Variants in WASF3 observed in about 807,000 individuals in gnomAD.
WASF3 encodes actin-binding protein WASF3.
WASF3 carries 11 observed loss-of-function variants against 46.6 expected under a neutral mutation model. That is an observed-to-expected ratio of 0.24 (90% CI 0.15 to 0.39). WASF3 has a LOEUF of 0.39. WASF3 is among the 10% of genes least tolerant of loss of function. The pLI is 1.00. For missense variants in WASF3, 576 were observed against 669.8 expected (o/e 0.86, Z 1.55); for synonymous variants, 242 against 259.7 (o/e 0.93, Z 0.65).
chr13:26,674,762 A>G (rs1338702957), intron 6 of WASF3, among the ~76,000 whole-genome samples: 1 of 152,196 alleles, frequency 6.6e-6, no homozygotes, highest in Non-Finnish European at 1.5e-5. Context: ...CTTCAGGATA[A>G]ATTTCTAGAA....
chr13:26,659,546 C>T lies in WASF3; in HGVS notation c.134-5482C>T, dbSNP rs56292650. The stretch of plus-strand genomic sequence containing the variant: ...TTTGGACAAGATGACTGGGGCTGCT[C>T]GGTTGAGAGTGAACTGAGCAGGGGC... On this transcript the variant is annotated intron_variant, in intron 3 of 9. Coordinates refer to ENST00000335327, the MANE Select transcript of WASF3 (RefSeq NM_006646.6). Among the ~76,000 whole-genome samples, 1,364 of 152,150 alleles carry T rather than the reference C, an allele frequency of 9.0e-3. 11 individuals carry two copies. Among genetic ancestry groups the T allele is most frequent in the Middle Eastern group, 0.017 (5 of 294 alleles).
chr13:26,672,647 C>T (rs1025865627), intron 6 of WASF3, among the ~76,000 whole-genome samples: 7 of 152,126 alleles, frequency 4.6e-5, no homozygotes, highest in Middle Eastern at 3.2e-3. Flanking sequence ...GAATAATTCT[C>T]TAAGGGCAAG....
chr13:26,650,025 C>A (rs1882268587), intron 3 of WASF3, among the ~76,000 whole-genome samples: 1 of 152,168 alleles, frequency 6.6e-6, no homozygotes, highest in South Asian at 2.1e-4. Context: ...GCAGAGATCA[C>A]ACCACTGCAT....
chr13:26,653,674 T>TC (rs1882384541), intron 3 of WASF3, among the ~76,000 whole-genome samples: 1 of 152,170 alleles, frequency 6.6e-6, no homozygotes, highest in South Asian at 2.1e-4. Context: ...TCAGTGATCT[T>TC]CCCCACTTGG....
chr13:26,551,277 C>G, the WASF3 span, among the ~76,000 whole-genome samples: 1 of 152,138 alleles, frequency 6.6e-6, no homozygotes, highest in African/African-American at 2.4e-5. Context: ...ATTACTGAGT[C>G]TCAGGTAGTT....
At chr13:26,584,044 C>T (rs989775722) in intron 1 of WASF3, among the ~76,000 whole-genome samples, 1 of 152,214 alleles carries the variant, frequency 6.6e-6, no homozygotes, top group African/African-American at 2.4e-5. Context: ...GGTACCTCCC[C>T]CACCTCCCTG....
intron 1 of WASF3, among the ~76,000 whole-genome samples, chr13:26,599,908 G>GCA: frequency 6.6e-6 from 1 of 152,246 alleles, no homozygotes; most frequent in East Asian, 1.9e-4. Flanking sequence ...ATTTCCAAAA[G>GCA]GCATCATTTC....
At chr13:26,610,593 A>G (rs1434885381) in intron 1 of WASF3, among the ~76,000 whole-genome samples, 1 of 152,188 alleles carries the variant, frequency 6.6e-6, no homozygotes, top group Non-Finnish European at 1.5e-5. Flanking sequence ...CCTGGAAACT[A>G]GACGACAGGA....
chr13:26,539,945 G>C, the WASF3 span, among the ~76,000 whole-genome samples: 1 of 152,186 alleles, frequency 6.6e-6, no homozygotes, highest in Non-Finnish European at 1.5e-5. Flanking sequence ...ATGGGTAGGT[G>C]CCAGAAGGAA....
intron 2 of WASF3, chr13:26,641,415 G>C (rs1881993615): frequency 6.6e-6 from 1 of 152,170 alleles, no homozygotes; most frequent in South Asian, 2.1e-4. Flanking sequence ...AAATGCCAGA[G>C]GTTTGTCTAG....
intron 1 of WASF3, among the ~76,000 whole-genome samples, chr13:26,563,995 T>G (rs1400669951): frequency 6.6e-6 from 1 of 152,182 alleles, no homozygotes; most frequent in Non-Finnish European, 1.5e-5. Context: ...TTGAAATTGA[T>G]CTAAAGATAT....
intron 1 of WASF3, among the ~76,000 whole-genome samples, chr13:26,586,449 A>G (rs61344012): frequency 0.018 from 2,724 of 152,252 alleles, 88 homozygotes; most frequent in African/African-American, 0.062. Flanking sequence ...GTTCCTATAT[A>G]TACTGCCAGT....
At chr13:26,597,973 A>G (rs1282133647) in intron 1 of WASF3, among the ~76,000 whole-genome samples, 1 of 152,232 alleles carries the variant, frequency 6.6e-6, no homozygotes, top group South Asian at 2.1e-4. Flanking sequence ...TCCTTTGGGT[A>G]TATACCCAGT....
upstream of WASF3, among the ~76,000 whole-genome samples, chr13:26,556,353 A>G (rs1338738836): frequency 6.6e-6 from 1 of 152,244 alleles, no homozygotes; most frequent in Non-Finnish European, 1.5e-5. Context: ...TCCCCTGGGT[A>G]AGTGAAGATG....
intron 7 of WASF3, among the ~76,000 whole-genome samples, chr13:26,678,963 C>CAT (rs1417844567): frequency 2.7e-5 from 4 of 150,816 alleles, no homozygotes; most frequent in African/African-American, 9.8e-5. Context: ...CCTCCTCCTC[C>CAT]CATGTCAGCG....
In WASF3 at chr13:26,663,373, T is replaced by C. The variant is rs117582012; in HGVS notation, c.134-1655T>C. Among the ~76,000 whole-genome samples, 658 of 152,358 alleles carry C rather than the reference T, an allele frequency of 4.3e-3. 2 individuals carry two copies. Among genetic ancestry groups the C allele is most frequent in the Non-Finnish European group, 7.7e-3 (521 of 68,032 alleles). On this transcript the variant is annotated intron_variant, in intron 3 of 9. Transcript: ENST00000335327. ...GAGCATTAATTCTGGATGCTGCAGCTAGTTATAGTATTTTAAAATGTATAT... is the reference window on the plus strand; with the variant it reads ...GAGCATTAATTCTGGATGCTGCAGCCAGTTATAGTATTTTAAAATGTATAT...
At chr13:26,642,086 T>A (rs1231664220) in intron 2 of WASF3, 175 bp from the exon 3 acceptor site, 1 of 527,702 alleles carries the variant, frequency 1.9e-6, no homozygotes, top group Non-Finnish European at 3.2e-6. Flanking sequence ...ACCTTCAGGC[T>A]CTATAAAACT....
At chr13:26,646,652 T>C (rs1310213248) in intron 3 of WASF3, among the ~76,000 whole-genome samples, 1 of 152,190 alleles carries the variant, frequency 6.6e-6, no homozygotes, top group Non-Finnish European at 1.5e-5. Context: ...GGACTAGACT[T>C]TCTCTACATA....
intron 3 of WASF3, among the ~76,000 whole-genome samples, chr13:26,658,522 T>C (rs777834917): frequency 3.9e-5 from 6 of 152,244 alleles, no homozygotes; most frequent in Non-Finnish European, 8.8e-5. Context: ...CATTAGCTTA[T>C]TAATGACTTT....
Sources: allele counts gnomAD v4.1 joint callset (sites outside exome capture counted in the v4.1 genomes callset), GRCh38; gene constraint gnomAD v4.1.1; transcripts MANE v1.5; gene names NCBI Gene and HGNC (gene_info 2026-07-23, HGNC 2026-07-21).